The following ITPR2 variants were observed in gnomAD, a reference collection of about 807,000 sequenced individuals.
ITPR2 encodes inositol 1,4,5-trisphosphate-gated calcium channel ITPR2.
ITPR2 carries 207 observed loss-of-function variants against 317.1 expected under a neutral mutation model. The ratio of observed to expected loss-of-function variants is 0.65; its 90% CI spans 0.58 to 0.73. The LOEUF is 0.73. Ranked by LOEUF, ITPR2 falls within the 30% of genes least tolerant of loss-of-function variation. The probability of loss-of-function intolerance (pLI) is 0.00; values close to 1 mark genes in which losing one functional copy is unlikely to be tolerated. For synonymous variants in ITPR2, 1,156 were observed against 1,149.1 expected (o/e 1.01, Z -0.12); for missense variants, 2,613 against 3,284.0 (o/e 0.80, Z 4.99).
intron 37 of ITPR2, among the ~76,000 whole-genome samples, chr12:26,506,820 G>C (rs1488544424): frequency 1.3e-5 from 2 of 152,070 alleles, no homozygotes; most frequent in Non-Finnish European, 2.9e-5. Flanking sequence ...ACCACCTTAA[G>C]GCTGCACGTC....
intron 1 of ITPR2, among the ~76,000 whole-genome samples, chr12:26,826,769 T>C (rs892599593): frequency 6.6e-6 from 1 of 151,994 alleles, no homozygotes; most frequent in African/African-American, 2.4e-5. Context: ...CACACACATA[T>C]ACACACTTTT....
At chr12:26,670,098 T>A (rs1947725514) in intron 13 of ITPR2, among the ~76,000 whole-genome samples, 1 of 152,234 alleles carries the variant, frequency 6.6e-6, no homozygotes, top group African/African-American at 2.4e-5. Flanking sequence ...CCTGCCTCTG[T>A]AGGCTCCACC....
At chr12:26,522,169 A>T (rs1337610287) in intron 37 of ITPR2, among the ~76,000 whole-genome samples, 1 of 152,204 alleles carries the variant, frequency 6.6e-6, no homozygotes, top group Non-Finnish European at 1.5e-5. Flanking sequence ...TAAATACTCG[A>T]AACTTTCAGT....
intron 37 of ITPR2, among the ~76,000 whole-genome samples, chr12:26,522,252 TAC>T (rs143524184): frequency 3.3e-5 from 5 of 152,036 alleles, no homozygotes; most frequent in Non-Finnish European, 5.9e-5. Flanking sequence ...ATCCTGTTTA[TAC>T]ACACACACAC....
At chr12:26,404,465 A>G (rs1472172720) in intron 52 of ITPR2, among the ~76,000 whole-genome samples, 1 of 152,242 alleles carries the variant, frequency 6.6e-6, no homozygotes, top group Non-Finnish European at 1.5e-5. Flanking sequence ...GAAGACAATA[A>G]TTTTAAAGAT....
intron 34 of ITPR2, among the ~76,000 whole-genome samples, chr12:26,577,929 G>A (rs867397526): frequency 1.3e-5 from 2 of 152,096 alleles, no homozygotes; most frequent in Non-Finnish European, 2.9e-5. Flanking sequence ...ACCTATCTAA[G>A]GATTAAATGA....
chr12:26,726,338 T>C lies in ITPR2; in HGVS notation c.164-573A>G, dbSNP rs997884104. 3.3e-5 allele frequency among the ~76,000 whole-genome samples: 5 copies of C among 152,132 alleles called. No homozygotes were observed. The South Asian group carries it at 8.3e-4, about 25-fold the overall frequency. On this transcript the variant is annotated intron_variant, in intron 2 of 56. Coordinates refer to ENST00000381340, the MANE Select transcript of ITPR2 (RefSeq NM_002223.4). ...AACCAAGATTACAGTCCTGACTCTATTGCTAAACATCAAGATAGAAAATCA... is the reference window on the plus strand; with the variant it reads ...AACCAAGATTACAGTCCTGACTCTACTGCTAAACATCAAGATAGAAAATCA...
chr12:26,393,988 A>G (rs1939920819), intron 54 of ITPR2, among the ~76,000 whole-genome samples: 1 of 151,320 alleles, frequency 6.6e-6, no homozygotes, highest in African/African-American at 2.4e-5. Flanking sequence ...GATATTCACC[A>G]ATGCACATTA....
chr12:26,599,888 T>G (rs1194049920), intron 29 of ITPR2, 99 bp downstream of exon 29: 3 of 829,496 alleles, frequency 3.6e-6, no homozygotes, highest in Non-Finnish European at 5.5e-6. Flanking sequence ...GAAAAAAAAA[T>G]GAAGCAAGGA....
intron 13 of ITPR2, among the ~76,000 whole-genome samples, chr12:26,678,290 T>A (rs1224806102): frequency 6.6e-6 from 1 of 152,106 alleles, no homozygotes; most frequent in Admixed American, 6.6e-5. Flanking sequence ...TGGGTGCAAT[T>A]ATGTAGAATA....
chr12:26,511,223 C>A (rs1314471974), intron 37 of ITPR2, among the ~76,000 whole-genome samples: 14 of 152,306 alleles, frequency 9.2e-5, no homozygotes, highest in Middle Eastern at 6.8e-3. Context: ...ATCCTTCACA[C>A]CTGTGTGTGT....
At chr12:26,659,325 G>C (rs760669941) in intron 15 of ITPR2, 40 bp from the exon 16 acceptor site, 37 of 1,545,966 alleles carry the variant, frequency 2.4e-5, no homozygotes, top group Non-Finnish European at 3.3e-5. Context: ...CTGCCAAACA[G>C]CTTACAAATA....
intron 55 of ITPR2, among the ~76,000 whole-genome samples, chr12:26,371,646 G>A (rs147115637): frequency 2.6e-5 from 4 of 152,328 alleles, no homozygotes; most frequent in African/African-American, 9.6e-5. Context: ...AAGGTTGGCA[G>A]AATTGAAAGC....
At chr12:26,700,120 A>C (rs1307013888) in intron 9 of ITPR2, among the ~76,000 whole-genome samples, 1 of 152,234 alleles carries the variant, frequency 6.6e-6, no homozygotes, top group Non-Finnish European at 1.5e-5. Flanking sequence ...GCTGAAATAC[A>C]AAATAAAATG....
intron 26 of ITPR2, among the ~76,000 whole-genome samples, chr12:26,612,032 G>T (rs919297251): frequency 5.3e-5 from 8 of 152,118 alleles, no homozygotes; most frequent in Non-Finnish European, 8.8e-5. Flanking sequence ...CTCGAGGGAC[G>T]CAATGGGCTT....
At chr12:26,343,567 T>G (rs1565480662) in intron 55 of ITPR2, among the ~76,000 whole-genome samples, 1 of 152,116 alleles carries the variant, frequency 6.6e-6, no homozygotes, top group African/African-American at 2.4e-5. Flanking sequence ...TACCACCATT[T>G]AAAAAAAATC....
intron 22 of ITPR2, among the ~76,000 whole-genome samples, chr12:26,629,215 C>T (rs181440210): frequency 4.6e-5 from 7 of 152,270 alleles, no homozygotes; most frequent in Admixed American, 2.6e-4. Flanking sequence ...CCTGCACTTC[C>T]GCTCTTGCCT....
intron 51 of ITPR2, 137 bp from the exon 52 acceptor site, chr12:26,411,549 A>G (rs1004257944): frequency 8.0e-6 from 5 of 623,624 alleles, no homozygotes; most frequent in African/African-American, 7.4e-5. Flanking sequence ...CTAGGAAGTT[A>G]GTATGGAATT....
chr12:26,434,862 C>T (rs1941311163), intron 48 of ITPR2, among the ~76,000 whole-genome samples: 1 of 152,188 alleles, frequency 6.6e-6, no homozygotes, highest in East Asian at 1.9e-4. Context: ...ATCATTCATG[C>T]TGGACTTCTT....
Sources: allele counts gnomAD v4.1 joint callset (sites outside exome capture counted in the v4.1 genomes callset), GRCh38; gene constraint gnomAD v4.1.1; transcripts MANE v1.5; gene names NCBI Gene and HGNC (gene_info 2026-07-23, HGNC 2026-07-21).